The following GABRB3 variants were observed in gnomAD, a reference collection of about 807,000 sequenced individuals.
The protein encoded by GABRB3 is gamma-aminobutyric acid receptor subunit beta-3.
Under a neutral mutation model 52.1 loss-of-function variants are expected in GABRB3, and 14 were observed. That is an observed-to-expected ratio of 0.27 (90% CI 0.18 to 0.42). The LOEUF (loss-of-function observed/expected upper bound fraction) is 0.42. GABRB3 is among the 10% of genes least tolerant of loss of function. The pLI is 1.00. For missense variants in GABRB3, 307 were observed against 609.1 expected, an observed-to-expected ratio of 0.50 and a Z score of 5.22; for synonymous variants, 260 against 232.3, an observed-to-expected ratio of 1.12 and a Z score of -1.08.
At chr15:26,609,605 G>A (rs1408176068) in intron 4 of GABRB3, among the ~76,000 whole-genome samples, 2 of 152,034 alleles carry the variant, frequency 1.3e-5, no homozygotes, top group Non-Finnish European at 2.9e-5. Context: ...ACATTGTGTG[G>A]TTAGGCAGCT....
rs528165999 is a variant in GABRB3 at position 26,544,758 on chromosome 15, C to A, written c.*3035G>T. On this transcript the variant is annotated 3_prime_UTR_variant, in exon 9 of 9. Transcript: ENST00000311550. ...TTCTGTAGATCTTGAGCCCCTGTGG[C>A]GCATTTTGGAAAGACAGGACTACTG... 1 of 152,392 alleles carries A rather than the reference C, an allele frequency of 6.6e-6. No homozygotes were observed. The highest frequency in any genetic ancestry group is 2.4e-5 in the African/African-American group (1 of 41,410). The allele number at this position is 152,392 out of a possible 1,614,324, so 9.4% of individuals were successfully genotyped here.
At chr15:26,760,684 T>A (rs565442012) in intron 3 of GABRB3, among the ~76,000 whole-genome samples, 3 of 152,002 alleles carry the variant, frequency 2.0e-5, no homozygotes, top group Non-Finnish European at 4.4e-5. Context: ...GGATAATTGA[T>A]TGATTGATTG....
At chr15:26,763,475 T>G (rs2140186166) in intron 3 of GABRB3, among the ~76,000 whole-genome samples, 1 of 152,324 alleles carries the variant, frequency 6.6e-6, no homozygotes, top group South Asian at 2.1e-4. Context: ...TCTAGTATAC[T>G]TTTGGCCTGA....
At chr15:26,591,236 C>A (rs1007510681) in intron 4 of GABRB3, among the ~76,000 whole-genome samples, 1 of 152,124 alleles carries the variant, frequency 6.6e-6, no homozygotes, top group Non-Finnish European at 1.5e-5. Flanking sequence ...AGCACTCTTG[C>A]GGCAATAGAT....
chr15:26,560,606 C>T (rs1395628792), intron 8 of GABRB3, among the ~76,000 whole-genome samples: 1 of 152,082 alleles, frequency 6.6e-6, no homozygotes, highest in East Asian at 1.9e-4. Flanking sequence ...AAAAAGCAAC[C>T]GGGCCAGGGT....
At chr15:26,693,979 T>C (rs1257017268) in intron 3 of GABRB3, among the ~76,000 whole-genome samples, 1 of 152,172 alleles carries the variant, frequency 6.6e-6, no homozygotes, top group Non-Finnish European at 1.5e-5. Flanking sequence ...CTGGGCTCAG[T>C]GGCTCACACC....
intron 3 of GABRB3, among the ~76,000 whole-genome samples, chr15:26,760,809 G>GCGCGCACACA (rs371524450): frequency 3.5e-4 from 52 of 149,286 alleles, no homozygotes; most frequent in African/African-American, 1.1e-3. Flanking sequence ...ACACGCGCAC[G>GCGCGCACACA]CACACACACA....
At chr15:26,660,838 TG>T (rs1192244169) in intron 3 of GABRB3, among the ~76,000 whole-genome samples, 1 of 152,078 alleles carries the variant, frequency 6.6e-6, no homozygotes, top group Non-Finnish European at 1.5e-5. Context: ...TTGTTTGGTT[TG>T]GGGGGGCAAG....
At chr15:26,739,986 G>A (rs927931887) in intron 3 of GABRB3, among the ~76,000 whole-genome samples, 3 of 152,154 alleles carry the variant, frequency 2.0e-5, no homozygotes, top group Non-Finnish European at 2.9e-5. Flanking sequence ...ACACCTGCAC[G>A]AGCCGCTCAT....
chr15:26,612,631 C>T (rs972099613), intron 4 of GABRB3: 1 of 152,176 alleles, frequency 6.6e-6, no homozygotes. Flanking sequence ...TGAATGAGGA[C>T]ATGCCATGTT....
chr15:26,609,776 T>C (rs927431442), intron 4 of GABRB3, among the ~76,000 whole-genome samples: 7 of 152,254 alleles, frequency 4.6e-5, no homozygotes, highest in Non-Finnish European at 1.0e-4. Flanking sequence ...GAGAATAAAT[T>C]TGAAATGTGC....
At chr15:26,583,889 C>G (rs1376091326) in intron 4 of GABRB3, among the ~76,000 whole-genome samples, 5 of 151,982 alleles carry the variant, frequency 3.3e-5, no homozygotes, top group Non-Finnish European at 1.5e-5. Context: ...GTTCTCCTGC[C>G]TCAGCCTCCC....
chr15:26,614,194 G>T (rs1281843693), intron 4 of GABRB3: 1 of 152,156 alleles, frequency 6.6e-6, no homozygotes, highest in Non-Finnish European at 1.5e-5. Context: ...AGATAGCTCA[G>T]GTGGGCTCTT....
Position 26,621,178 on chromosome 15 carries a change from C to T in GABRB3, c.461+136G>A. The T allele has an allele frequency of 5.2e-6, 4 of 771,550 alleles. No individual in the cohort carries two copies. The highest frequency in any genetic ancestry group is 4.4e-5 in the Admixed American group (2 of 45,178). The allele number at this position is 771,550 out of a possible 1,614,324, so 47.8% of individuals were successfully genotyped here. A position where few individuals can be genotyped will look rare whatever the true frequency, so the allele number is the denominator to read the frequency against. ...TATGGTTATGAGATTTTTTTTTCTG[C>T]AAAGCTTTAGTGCTTCATAGATGCT... On this transcript the variant is annotated intron_variant, in intron 4 of 8. Coordinates refer to ENST00000311550, the MANE Select transcript of GABRB3 (RefSeq NM_000814.6). The surrounding 1 kb of genome is among the most constrained non-coding windows in gnomAD (Gnocchi z 4.1).
intron 8 of GABRB3, among the ~76,000 whole-genome samples, chr15:26,556,077 C>T (rs1388286316): frequency 8.5e-5 from 13 of 152,316 alleles, no homozygotes; most frequent in African/African-American, 2.6e-4. Context: ...AAATGCCCTT[C>T]ATAGAATGAC....
intron 3 of GABRB3, among the ~76,000 whole-genome samples, chr15:26,627,032 T>C (rs903214795): frequency 1.3e-5 from 2 of 152,194 alleles, no homozygotes; most frequent in East Asian, 1.9e-4. Flanking sequence ...TAGGGGCTAA[T>C]TGCAGCTGCT....
chr15:26,595,267 T>C lies in GABRB3; in HGVS notation c.462-11853A>G, dbSNP rs76479692. ...CTGAGATGAACATCTTGCTTCAGTC[T>C]TTCAGGCATCCTCCAGACAGTTTAG... On this transcript the variant is annotated intron_variant, in intron 4 of 8. Transcript: ENST00000311550. Among the ~76,000 whole-genome samples the C allele has an allele frequency of 1.9e-3, 296 of 152,302 alleles. 6 individuals carry two copies. In the East Asian group the frequency reaches 0.036, roughly 19 times the overall value.
At chr15:26,643,811 T>C (rs1893278826) in intron 3 of GABRB3, among the ~76,000 whole-genome samples, 2 of 152,200 alleles carry the variant, frequency 1.3e-5, no homozygotes, top group African/African-American at 4.8e-5. Flanking sequence ...AATAAGACAC[T>C]GTCAGGATCT....
At chr15:26,717,575 C>T (rs1889529585) in intron 3 of GABRB3, among the ~76,000 whole-genome samples, 2 of 152,212 alleles carry the variant, frequency 1.3e-5, no homozygotes, top group African/African-American at 2.4e-5. Flanking sequence ...CAACAACGCT[C>T]ATCCAGAACT....
Sources: allele counts gnomAD v4.1 joint callset (sites outside exome capture counted in the v4.1 genomes callset), GRCh38; gene constraint gnomAD v4.1.1; non-coding constraint Gnocchi (gnomAD v3.1); transcripts MANE v1.5; gene names NCBI Gene and HGNC (gene_info 2026-07-23, HGNC 2026-07-21).